PTPRD: variants seen among roughly 807,000 people sequenced by gnomAD.
PTPRD encodes receptor-type tyrosine-protein phosphatase delta.
In PTPRD, 34 loss-of-function variants were observed where a neutral mutation model predicts 214.5. The observed-to-expected ratio is 0.16, with a 90% CI of 0.12 to 0.21. The LOEUF (loss-of-function observed/expected upper bound fraction) is 0.21. Among genes scored for constraint, PTPRD ranks in the 10% least tolerant of loss-of-function variants. The pLI, the probability that PTPRD is intolerant of heterozygous loss-of-function variation, is 1.00. For missense variants in PTPRD, 2,545 were observed against 2,398.7 expected, an observed-to-expected ratio of 1.06 and a Z score of -1.27; for synonymous variants, 1,128 against 845.7, an observed-to-expected ratio of 1.33 and a Z score of -5.79.
chr9:9,010,707 T>A (rs1337072169), intron 11 of PTPRD, among the ~76,000 whole-genome samples: 5 of 152,156 alleles, frequency 3.3e-5, no homozygotes, highest in African/African-American at 1.2e-4. Flanking sequence ...TGATCCTTGA[T>A]CCTTTCATCT....
At chr9:8,633,014 TAAAAGAGTACC>T (rs1230480739) in intron 14 of PTPRD, among the ~76,000 whole-genome samples, 1 of 151,852 alleles carries the variant, frequency 6.6e-6, no homozygotes, top group Non-Finnish European at 1.5e-5. Context: ...TGCCAACATA[TAAAAGAGTACC>T]ATATCCTGTT....
chr9:9,240,470 A>C (rs1255912159), intron 9 of PTPRD, among the ~76,000 whole-genome samples: 1 of 152,156 alleles, frequency 6.6e-6, no homozygotes. Flanking sequence ...CAGGAGTTCA[A>C]GACCAGCCTG....
chr9:10,073,826 A>T (rs1364532422), intron 3 of PTPRD, among the ~76,000 whole-genome samples: 2 of 152,136 alleles, frequency 1.3e-5, no homozygotes, highest in Admixed American at 6.6e-5. Context: ...TTGTGAGTGA[A>T]CTACTATACT....
In PTPRD at chr9:9,486,150, CAAAAAAAAAAAAAAAAA is replaced by C. The variant is rs71319226; in HGVS notation, c.-237+88565_-237+88581del. Among the ~76,000 whole-genome samples the C allele has an allele frequency of 5.6e-3, 170 of 30,174 alleles. 1 individual carries two copies. The highest frequency in any genetic ancestry group is 0.02 in the African/African-American group (134 of 6,688). 19.8% of individuals were successfully genotyped at this position (30,174 alleles called of 152,430 possible). ...TGGGCAACAGAGCAAGACTCTCTCT[CAAAAAAAAAAAAAAAAA>C]AAAAAAAAAAAAAAAAAAGCCTTCC... is the stretch of plus-strand genomic sequence containing the variant. On this transcript the variant is annotated intron_variant, in intron 8 of 45. Coordinates refer to ENST00000381196, the MANE Select transcript of PTPRD (RefSeq NM_002839.4).
rs184831782 is a variant in PTPRD, at chr9:9,128,618, T to C, written c.-143+54686A>G. On this transcript the variant is annotated intron_variant, in intron 10 of 45. Transcript: ENST00000381196. ...TACATGTAGTTGCTTTAAAAATATA[T>C]CAGCTTTCTGAATATCATACGACTT... 4.4e-3 allele frequency among the ~76,000 whole-genome samples: 665 copies of C among 152,336 alleles called. 4 individuals carry two copies. The highest frequency in any genetic ancestry group is 6.8e-3 in the Non-Finnish European group (465 of 68,032).
chr9:9,837,096 T>C (rs987423455), intron 5 of PTPRD, among the ~76,000 whole-genome samples: 2 of 152,166 alleles, frequency 1.3e-5, no homozygotes, highest in African/African-American at 4.8e-5. Context: ...TTATGTGTAT[T>C]AGAGTAAATA....
intron 9 of PTPRD, among the ~76,000 whole-genome samples, chr9:9,280,921 A>G (rs1366622453): frequency 6.6e-6 from 1 of 151,304 alleles, no homozygotes; most frequent in Non-Finnish European, 1.5e-5. Flanking sequence ...AAAATGACAG[A>G]CAAATAGATC....
intron 7 of PTPRD, among the ~76,000 whole-genome samples, chr9:9,602,265 T>G (rs7046633): frequency 0.15 from 23,532 of 152,042 alleles, 2,204 homozygotes; most frequent in African/African-American, 0.24. Context: ...TAAAATGCAT[T>G]ATACAAATGA....
At position 10,227,633 on chromosome 9, in the gene PTPRD, G is replaced by C. The variant is rs139036107; in HGVS notation, c.-545+113330C>G. Among the ~76,000 whole-genome samples the C allele has an allele frequency of 2.4e-3, 372 of 151,986 alleles. 3 individuals are homozygous for C. The highest frequency in any genetic ancestry group is 0.02 in the Middle Eastern group (6 of 294). On this transcript the variant is annotated intron_variant, in intron 3 of 45. Coordinates refer to ENST00000381196, the MANE Select transcript of PTPRD (RefSeq NM_002839.4). ...CATTTTTCATCCATCCTTAGAAAGT[G>C]ATGCTGTAATTGTTTATAATGTTCT... is the stretch of plus-strand genomic sequence containing the variant.
intron 5 of PTPRD, among the ~76,000 whole-genome samples, chr9:9,797,593 C>T (rs544458747): frequency 7.2e-4 from 109 of 152,254 alleles, no homozygotes; most frequent in Non-Finnish European, 1.5e-3. Flanking sequence ...TGCCTGTAAT[C>T]CCAGCACTTT....
intron 3 of PTPRD, among the ~76,000 whole-genome samples, chr9:10,179,684 C>T (rs1235944434): frequency 6.6e-6 from 1 of 151,978 alleles, no homozygotes; most frequent in Admixed American, 6.6e-5. Flanking sequence ...ATTCAATCCT[C>T]ACTAAAACAC....
Position 10,156,233 on chromosome 9 carries a change from T to C in PTPRD, c.-544-122443A>G, listed in dbSNP as rs150112644. ...CTCTTTTAGTTGTGATGTTAGGTTG[T>C]TAATTTGAGATTGTTCTAACTTTTT... On this transcript the variant is annotated intron_variant, in intron 3 of 45. Transcript: ENST00000381196. Among the ~76,000 whole-genome samples the C allele has an allele frequency of 6.1e-3, 926 of 152,044 alleles. 8 individuals carry two copies. Among genetic ancestry groups the C allele is most frequent in the African/African-American group, 0.02 (830 of 41,496 alleles).
At chr9:9,272,868 C>G (rs976690098) in intron 9 of PTPRD, among the ~76,000 whole-genome samples, 1 of 151,180 alleles carries the variant, frequency 6.6e-6, no homozygotes, top group Non-Finnish European at 1.5e-5. Context: ...AAGAAGTGCC[C>G]TGAAATATTT....
At chr9:8,588,307 C>T (rs918374550) in intron 14 of PTPRD, among the ~76,000 whole-genome samples, 2 of 152,116 alleles carry the variant, frequency 1.3e-5, no homozygotes, top group African/African-American at 4.8e-5. Context: ...AAATAAGAAG[C>T]CAGCTGTAGT....
intron 30 of PTPRD, among the ~76,000 whole-genome samples, chr9:8,474,120 G>A (rs954167077): frequency 2.6e-5 from 4 of 152,034 alleles, no homozygotes; most frequent in African/African-American, 4.8e-5. Context: ...TCAGAGTCAG[G>A]GTTTGGGGTT....
At chr9:8,530,038 T>G (rs189714974) in intron 14 of PTPRD, among the ~76,000 whole-genome samples, 2 of 152,204 alleles carry the variant, frequency 1.3e-5, no homozygotes, top group East Asian at 3.9e-4. Context: ...GAACATTAGA[T>G]ATCATCAGAT....
At chr9:9,909,401 T>C (rs2078544474) in intron 5 of PTPRD, among the ~76,000 whole-genome samples, 1 of 151,546 alleles carries the variant, frequency 6.6e-6, no homozygotes, top group South Asian at 2.1e-4. Context: ...GAAGTAATAT[T>C]GGAAAGACTT....
At chr9:10,141,897 A>G (rs2098988067) in intron 3 of PTPRD, among the ~76,000 whole-genome samples, 1 of 152,166 alleles carries the variant, frequency 6.6e-6, no homozygotes, top group Admixed American at 6.6e-5. Context: ...CTGGTACCAA[A>G]ACAGCATGGT....
intron 8 of PTPRD, among the ~76,000 whole-genome samples, chr9:9,416,430 G>A (rs1333486780): frequency 3.3e-5 from 5 of 152,076 alleles, no homozygotes; most frequent in Non-Finnish European, 5.9e-5. Context: ...TTCCTCATGG[G>A]GAGTTTATGA....
Sources: allele counts gnomAD v4.1 joint callset (sites outside exome capture counted in the v4.1 genomes callset), GRCh38; gene constraint gnomAD v4.1.1; transcripts MANE v1.5; gene names NCBI Gene and HGNC (gene_info 2026-07-23, HGNC 2026-07-21).